The following TENM1 variants were observed in gnomAD, a reference collection of about 807,000 sequenced individuals.
The protein encoded by TENM1 is teneurin-1.
Under a neutral mutation model 174.8 loss-of-function variants are expected in TENM1, and 35 were observed. The observed-to-expected ratio is 0.20, with a 90% CI of 0.15 to 0.27. The LOEUF (loss-of-function observed/expected upper bound fraction) is 0.27, where lower values mean the gene tolerates loss of function less well. TENM1 is among the 10% of genes least tolerant of loss of function. The probability of loss-of-function intolerance (pLI) is 1.00; values close to 1 mark genes in which losing one functional copy is unlikely to be tolerated. For synonymous variants in TENM1, 781 were observed against 798.7 expected (o/e 0.98, Z 0.37); for missense variants, 1,633 against 2,130.1 (o/e 0.77, Z 4.59).
At chrX:124,710,321 G>A (rs1285834222) in intron 4 of TENM1, among the ~76,000 whole-genome samples, 2 of 111,747 alleles carry the variant, frequency 1.8e-5, no homozygotes, top group African/African-American at 6.5e-5. Flanking sequence ...ATGGGACAAA[G>A]GAGAAACCCA....
At chrX:125,087,530 T>C in the TENM1 span, among the ~76,000 whole-genome samples, 1 of 111,361 alleles carries the variant, frequency 9.0e-6, no homozygotes, top group Non-Finnish European at 1.9e-5. Context: ...GACTCATTAA[T>C]AAGCTTTGTC....
At chrX:124,929,676 C>T (rs1449749839) in intron 1 of TENM1, among the ~76,000 whole-genome samples, 1 of 111,628 alleles carries the variant, frequency 9.0e-6, no homozygotes, top group Non-Finnish European at 1.9e-5. Flanking sequence ...GTGAGTCTCT[C>T]CAATAATTTA....
At chrX:124,497,650 T>C (rs2047231606) in intron 19 of TENM1, among the ~76,000 whole-genome samples, 1 of 111,720 alleles carries the variant, frequency 9.0e-6, no homozygotes, top group Admixed American at 9.5e-5. Context: ...CATACCCGTC[T>C]GACTTCAAAT....
Position 124,821,131 on chromosome X carries a change from C to A in TENM1, c.535+73165G>T, listed in dbSNP as rs1025729281. Among the ~76,000 whole-genome samples, 8 of 112,273 alleles carry A rather than the reference C, an allele frequency of 7.1e-5. No individual in the cohort carries two copies. In the Admixed American group the frequency reaches 7.6e-4, roughly 11 times the overall value. ...ATGACTTACTAAATACTTCCCTTGTCATTTATCAATATCTTGTACTTATCA... is the reference window on the plus strand; with the variant it reads ...ATGACTTACTAAATACTTCCCTTGTAATTTATCAATATCTTGTACTTATCA... On this transcript the variant is annotated intron_variant, in intron 3 of 31. Coordinates refer to ENST00000422452, the Ensembl canonical transcript of TENM1.
chrX:124,392,978 A>G (rs961723650), intron 27 of TENM1, among the ~76,000 whole-genome samples: 9 of 111,787 alleles, frequency 8.1e-5, no homozygotes, highest in Admixed American at 1.9e-4. Context: ...AGCATTCACA[A>G]GGGCAGCACC....
chrX:124,687,469 T>C (rs2052395947), intron 5 of TENM1, among the ~76,000 whole-genome samples: 1 of 111,610 alleles, frequency 9.0e-6, no homozygotes, highest in Non-Finnish European at 1.9e-5. Context: ...CCCCAAACCA[T>C]AAAAACCCTA....
chrX:124,851,681 T>C, intron 3 of TENM1, among the ~76,000 whole-genome samples: 1 of 111,039 alleles, frequency 9.0e-6, no homozygotes, highest in Middle Eastern at 4.6e-3. Context: ...CAGCCTTCCC[T>C]GATGATCCAA....
chrX:124,930,075 A>T (rs908825281), intron 1 of TENM1, among the ~76,000 whole-genome samples: 2 of 109,429 alleles, frequency 1.8e-5, no homozygotes, highest in Non-Finnish European at 3.8e-5. Context: ...GTACTCTCCA[A>T]GTCTCTTTAT....
At chrX:124,816,534 T>C (rs192410267) in intron 3 of TENM1, among the ~76,000 whole-genome samples, 1 of 111,925 alleles carries the variant, frequency 8.9e-6, no homozygotes, top group African/African-American at 3.2e-5. Flanking sequence ...CATTTTATAC[T>C]CTCTGGCATC....
chrX:124,681,372 G>A, intron 5 of TENM1, among the ~76,000 whole-genome samples: 1 of 111,742 alleles, frequency 8.9e-6, no homozygotes, highest in East Asian at 2.8e-4. Flanking sequence ...GACCCAGTTT[G>A]TTCTGGGTTT....
chrX:125,035,948 C>T, the TENM1 span, among the ~76,000 whole-genome samples: 2 of 110,723 alleles, frequency 1.8e-5, no homozygotes, highest in East Asian at 5.7e-4. Context: ...ATTATGGGAA[C>T]TCTGCTATGT....
intron 22 of TENM1, among the ~76,000 whole-genome samples, chrX:124,463,542 T>C (rs1175376800): frequency 1.8e-5 from 2 of 111,456 alleles, no homozygotes; most frequent in African/African-American, 6.5e-5. Context: ...ATGTAACCCT[T>C]GTCAGTAGGA....
intron 13 of TENM1, among the ~76,000 whole-genome samples, chrX:124,562,022 C>A (rs1425000020): frequency 8.9e-6 from 1 of 112,073 alleles, no homozygotes; most frequent in African/African-American, 3.2e-5. Flanking sequence ...CCTTAGAGAG[C>A]CAATTAAGCT....
intron 2 of TENM1, among the ~76,000 whole-genome samples, chrX:124,894,681 A>T (rs1485804524): frequency 9.0e-6 from 1 of 111,230 alleles, no homozygotes; most frequent in Non-Finnish European, 1.9e-5. Flanking sequence ...CCCAGTGAAT[A>T]TGTCCAGAGT....
At chrX:124,967,271 G>C (rs184656072), upstream of TENM1, among the ~76,000 whole-genome samples, 1 of 111,073 alleles carries the variant, frequency 9.0e-6, no homozygotes, top group Admixed American at 9.5e-5. Context: ...GTCTTACTTT[G>C]CTACAAACAG....
At chrX:124,509,399 G>C (rs952708616) in intron 18 of TENM1, among the ~76,000 whole-genome samples, 5 of 110,942 alleles carry the variant, frequency 4.5e-5, no homozygotes, top group Non-Finnish European at 3.8e-5. Context: ...TCCCTACCCA[G>C]TAAAAAATTG....
intron 1 of TENM1, among the ~76,000 whole-genome samples, chrX:124,908,921 C>T (rs960668992): frequency 8.3e-5 from 9 of 108,132 alleles, no homozygotes; most frequent in Non-Finnish European, 1.3e-4. Context: ...TGCAGTGATG[C>T]GATCTTGGCT....
At chrX:125,042,119 A>G in the TENM1 span, among the ~76,000 whole-genome samples, 1 of 111,664 alleles carries the variant, frequency 9.0e-6, no homozygotes, top group African/African-American at 3.2e-5. Flanking sequence ...AACAGCTTTA[A>G]GTATGACTTC....
chrX:124,775,911 G>A (rs1050186561), intron 3 of TENM1, among the ~76,000 whole-genome samples: 1 of 111,392 alleles, frequency 9.0e-6, no homozygotes, highest in Non-Finnish European at 1.9e-5. Context: ...AGTTCTGTGG[G>A]GCCTACTGTG....
Sources: gnomAD v4.1 joint callset for allele counts (sites outside exome capture counted in the v4.1 genomes callset) on GRCh38, gnomAD v4.1.1 for gene constraint, MANE v1.5 for transcripts, NCBI Gene and HGNC (gene_info 2026-07-23, HGNC 2026-07-21) for gene names.